The following TP53BP1 variants were observed in gnomAD, a reference collection of about 807,000 sequenced individuals.
TP53BP1 encodes TP53-binding protein 1.
In TP53BP1, 61 loss-of-function variants were observed where a neutral mutation model predicts 200.8. That is an observed-to-expected ratio of 0.30 (90% CI 0.25 to 0.38). The LOEUF (loss-of-function observed/expected upper bound fraction) is 0.38, where lower values mean the gene tolerates loss of function less well. TP53BP1 is among the 10% of genes least tolerant of loss of function. TP53BP1 has a pLI of 1.00. For missense variants in TP53BP1, 2,144 were observed against 2,371.9 expected (o/e 0.90, Z 2.00); for synonymous variants, 822 against 844.3 (o/e 0.97, Z 0.46).
intron 11 of TP53BP1, among the ~76,000 whole-genome samples, chr15:43,464,670 G>A (rs1595589894): frequency 6.6e-6 from 1 of 151,984 alleles, no homozygotes; most frequent in African/African-American, 2.4e-5. Flanking sequence ...TTGGGAGGCC[G>A]AGACAGGCGG....
Position 43,404,578 on chromosome 15 carries a change from G to C in TP53BP1, c.*2805C>G. ...GTAGGAGCAACCCTTGGGTAACTCAGTAGACTTTTTAAGGTGGCTTTTTAA... is the reference window on the plus strand; with the variant it reads ...GTAGGAGCAACCCTTGGGTAACTCACTAGACTTTTTAAGGTGGCTTTTTAA... On this transcript the variant is annotated 3_prime_UTR_variant, in exon 28 of 28. Coordinates refer to ENST00000382044, the MANE Select transcript of TP53BP1 (RefSeq NM_001141980.3). 6.2e-7 allele frequency: 1 copy of C among 1,610,114 alleles called. No individual in the cohort carries two copies. Among genetic ancestry groups the C allele is most frequent in the Non-Finnish European group, 8.5e-7 (1 of 1,178,272 alleles).
chr15:43,426,635 A>G (rs1294408707), intron 18 of TP53BP1, among the ~76,000 whole-genome samples: 1 of 151,956 alleles, frequency 6.6e-6, no homozygotes, highest in Non-Finnish European at 1.5e-5. Context: ...AAAACTATAC[A>G]CTAGAGTTTA....
rs777317514 is a variant in TP53BP1 at position 43,446,609 on chromosome 15, G to A, written c.2837-19C>T. On this transcript the variant is annotated intron_variant, in intron 13 of 27. Coordinates refer to ENST00000382044, the MANE Select transcript of TP53BP1 (RefSeq NM_001141980.3). ...CTAATACCTGAAAGAAGTGAGGCAG[G>A]GAGGAAGAAAAAAAGAACACTAAAA... 1.9e-6 allele frequency: 3 copies of A among 1,600,166 alleles called. No homozygotes were observed. Among genetic ancestry groups the A allele is most frequent in the Admixed American group, 3.5e-5 (2 of 57,446 alleles).
Position 43,455,872 on chromosome 15 carries a change from T to A in TP53BP1, c.2716+20A>T. ...ATTATAATTTAGGTGGAGACAAGAATAATCTACAATCACACTCACCACTAG... is the reference window on the plus strand; with the variant it reads ...ATTATAATTTAGGTGGAGACAAGAAAAATCTACAATCACACTCACCACTAG... On this transcript the variant is annotated intron_variant, in intron 12 of 27. Coordinates refer to ENST00000382044, the MANE Select transcript of TP53BP1 (RefSeq NM_001141980.3). 15 of 1,609,916 alleles carry A rather than the reference T, an allele frequency of 9.3e-6. No individual in the cohort carries two copies. Among genetic ancestry groups the A allele is most frequent in the Non-Finnish European group, 1.3e-5 (15 of 1,179,008 alleles).
At position 43,491,075 on chromosome 15, in the gene TP53BP1, A is replaced by AT. The variant is rs1010560667; in HGVS notation, c.371+593dup. ...CTAATAGTTCTGATAATACTCCTAA[A>AT]TTTTTTTTTTTTTTTTGCTGAGACG... is the stretch of plus-strand genomic sequence containing the variant. On this transcript the variant is annotated intron_variant, in intron 4 of 27. Coordinates refer to ENST00000382044, the MANE Select transcript of TP53BP1 (RefSeq NM_001141980.3). 5.6e-3 allele frequency among the ~76,000 whole-genome samples: 806 copies of AT among 143,032 alleles called. 2 individuals are homozygous for AT. The highest frequency in any genetic ancestry group is 0.012 in the Admixed American group (166 of 14,216). 93.8% of individuals were successfully genotyped at this position (143,032 alleles called of 152,430 possible).
At position 43,509,318 on chromosome 15, in the gene TP53BP1, G is replaced by C. The variant is rs185886325; in HGVS notation, c.-9+1052C>G. Among the ~76,000 whole-genome samples the C allele has an allele frequency of 4.5e-3, 681 of 151,360 alleles. 4 individuals are homozygous for C. The highest frequency in any genetic ancestry group is 6.9e-3 in the Non-Finnish European group (470 of 67,934). ...TATTTTCCCCTTTCTGTGCAAAAAG[G>C]ATTTTCAGGGCCATGTCCAAATTGG... On this transcript the variant is annotated intron_variant, in intron 1 of 27. Transcript: ENST00000263801.
rs767285768 is a variant in TP53BP1 at position 43,408,901 on chromosome 15, C to T, written c.5596G>A (p.Asp1866Asn). Reference protein sequence around the residue: ...GYSLEEQRILDWQPRENPFQN... With the variant: ...GYSLEEQRILNWQPRENPFQN... The stretch of plus-strand genomic sequence containing the variant: ...GGATGGGCTTCAAATACTTACCAGT[C>T]CAGAATTCTTTGCTCCTCAAGGCTG... The change falls in exon 26 of 28, where the codon GAC becomes AAC. Residue 1866 changes from aspartate (D) to asparagine (N), a missense_variant. Physicochemically the swap from Asp to Asn is conservative, Grantham distance 23 (BLOSUM62 1). Transcript: ENST00000382044. The T allele has an allele frequency of 1.9e-6, 3 of 1,614,156 alleles. No homozygotes were observed. The South Asian group carries it at 3.3e-5, about 18-fold the overall frequency.
chr15:43,509,684 C>G (rs113738323), intron 1 of TP53BP1, among the ~76,000 whole-genome samples: 3 of 152,220 alleles, frequency 2.0e-5, no homozygotes, highest in African/African-American at 7.2e-5. Flanking sequence ...GCTGGGATTA[C>G]AGGCGTGGGC....
chr15:43,422,132 AGG>A lies in TP53BP1; in HGVS notation c.3829-8_3829-7del. On this transcript the variant is annotated splice_region_variant and splice_polypyrimidine_tract_variant and intron_variant, in intron 18 of 27. Transcript: ENST00000382044. The stretch of plus-strand genomic sequence containing the variant: ...ACAATTGGCTCTTCAGTCTCCTGCA[AGG>A]AAAAAATAGATACAGAAGATAAAAG... The A allele has an allele frequency of 6.2e-7, 1 of 1,612,044 alleles. No individual in the cohort carries two copies. The highest frequency in any genetic ancestry group is 1.7e-5 in the Admixed American group (1 of 59,520).
Position 43,404,333 on chromosome 15 carries a change from A to C in TP53BP1, c.*3050T>G. 4.5e-6 allele frequency: 7 copies of C among 1,547,104 alleles called. No individual in the cohort carries two copies. Among genetic ancestry groups the C allele is most frequent in the South Asian group, 2.4e-5 (2 of 82,646 alleles). On this transcript the variant is annotated 3_prime_UTR_variant, in exon 28 of 28. Coordinates refer to ENST00000382044, the MANE Select transcript of TP53BP1 (RefSeq NM_001141980.3). ...ATTTTGAACAAGGCTTTTCCAAGAA[A>C]CTCCTCCCTCCGCCCCCATCCTCCA...
intron 17 of TP53BP1, among the ~76,000 whole-genome samples, chr15:43,430,659 G>A (rs974085076): frequency 6.6e-6 from 1 of 152,148 alleles, no homozygotes; most frequent in Non-Finnish European, 1.5e-5. Context: ...ATCTGAGGGA[G>A]ATATGTGCCA....
rs1330617483 is a variant in TP53BP1, at chr15:43,414,120, A to G, written c.5090-786T>C. 3 of 470,536 alleles carry G rather than the reference A, an allele frequency of 6.4e-6. No individual in the cohort carries two copies. In the Admixed American group the frequency reaches 7.1e-5, roughly 11 times the overall value. 29.1% of individuals were successfully genotyped at this position (470,536 alleles called of 1,614,324 possible). On this transcript the variant is annotated intron_variant, in intron 23 of 27. Coordinates refer to ENST00000382044, the MANE Select transcript of TP53BP1 (RefSeq NM_001141980.3). ...CAGACAGGTCATGCATGCCTCCCTA[A>G]AATAAAACCAGGAGCAAGAAAACAG... is the stretch of plus-strand genomic sequence containing the variant.
chr15:43,408,951 C>T lies in TP53BP1; in HGVS notation c.5546G>A (p.Arg1849His), dbSNP rs756730049. Residue 1849 changes from arginine (R) to histidine (H), a missense_variant, in exon 26 of 28, where the codon CGT becomes CAT. By Grantham distance (29) the Arg-to-His change is conservative. Transcript: ENST00000382044. ...SCHANQLQNY[R>H]NYLLPAGYSL... ...GTACCCAGCTGGCAACAGATAATTA[C>T]GGTAGTTCTGGAGCTGGTTGGCATG... 3.8e-5 allele frequency: 62 copies of T among 1,614,066 alleles called. No individual in the cohort carries two copies. The highest frequency in any genetic ancestry group is 1.6e-4 in the Middle Eastern group (1 of 6,084).
intron 13 of TP53BP1, chr15:43,446,867 A>T (rs1213788402): frequency 1.6e-6 from 2 of 1,222,776 alleles, no homozygotes; most frequent in East Asian, 7.3e-5. Flanking sequence ...CATCAGGCAT[A>T]GGTAGCAGGA....
chr15:43,484,373 T>C (rs1198527690), intron 4 of TP53BP1, among the ~76,000 whole-genome samples: 1 of 152,234 alleles, frequency 6.6e-6, no homozygotes, highest in African/African-American at 2.4e-5. Context: ...TGCTAAATTA[T>C]GTCAATAGTT....
At chr15:43,434,543 G>A (rs575340290) in intron 16 of TP53BP1, among the ~76,000 whole-genome samples, 2 of 152,218 alleles carry the variant, frequency 1.3e-5, no homozygotes, top group Admixed American at 1.3e-4. Flanking sequence ...AACCACCAAG[G>A]TGATGGTATT....
At chr15:43,419,532 GTTCCT>G (rs1395727264) in intron 21 of TP53BP1, among the ~76,000 whole-genome samples, 30 of 103,708 alleles carry the variant, frequency 2.9e-4, no homozygotes, top group Non-Finnish European at 4.8e-4. Context: ...GCTAATTTAT[GTTCCT>G]TTTTTTTTTT....
chr15:43,494,808 C>G (rs1036572048), upstream of TP53BP1, among the ~76,000 whole-genome samples: 2 of 152,140 alleles, frequency 1.3e-5, no homozygotes, highest in Non-Finnish European at 2.9e-5. Context: ...CATTTTTTTG[C>G]TTTTCTTCTC....
In TP53BP1 at chr15:43,479,422, T is replaced by C; in HGVS notation, c.763A>G (p.Lys255Glu). 1 of 1,608,090 alleles carries C rather than the reference T, an allele frequency of 6.2e-7. No homozygotes were observed. The highest frequency in any genetic ancestry group is 8.5e-7 in the Non-Finnish European group (1 of 1,177,690). The change falls in exon 7 of 28, where the codon AAA becomes GAA. Residue 255 changes from lysine (K) to glutamate (E), a missense_variant. Physicochemically the swap from Lys to Glu is moderately conservative, Grantham distance 56 (BLOSUM62 1). Transcript: ENST00000382044. The stretch of plus-strand genomic sequence containing the variant: ...CTTGCAGGTGGTGGATTTTGCTCTT[T>C]TACAACATGTACATCCTTACTGGGC... ...AQPSKDVHVV[K>E]EQNPPPARSE...
Sources: allele counts gnomAD v4.1 joint callset (sites outside exome capture counted in the v4.1 genomes callset), GRCh38; gene constraint gnomAD v4.1.1; transcripts MANE v1.5; gene names NCBI Gene and HGNC (gene_info 2026-07-23, HGNC 2026-07-21).